The following DENND5B variants were observed in gnomAD, a reference collection of about 807,000 sequenced individuals.
The protein encoded by DENND5B is DENN domain containing 5B.
A neutral mutation model predicts 140.6 loss-of-function variants in DENND5B; 34 were observed. That is an observed-to-expected ratio of 0.24 (90% confidence interval 0.18 to 0.32). DENND5B has a LOEUF of 0.32. Ranked by LOEUF, DENND5B falls within the 10% of genes least tolerant of loss-of-function variation. DENND5B has a pLI of 1.00. For missense variants in DENND5B, 1,142 were observed against 1,560.2 expected (o/e 0.73, Z 4.52); for synonymous variants, 551 against 562.1 (o/e 0.98, Z 0.28).
At chr12:31,554,007 C>T (rs1010048818) in intron 1 of DENND5B, among the ~76,000 whole-genome samples, 1 of 152,174 alleles carries the variant, frequency 6.6e-6, no homozygotes, top group Non-Finnish European at 1.5e-5. Context: ...TGGGTCTTGA[C>T]TCTTTATCCA....
At chr12:31,554,120 T>C (rs1949183123) in intron 1 of DENND5B, among the ~76,000 whole-genome samples, 2 of 152,304 alleles carry the variant, frequency 1.3e-5, no homozygotes, top group Non-Finnish European at 2.9e-5. Context: ...TGTTAGATGG[T>C]TATTTTGCTT....
At chr12:31,492,573 G>A (rs1946573057) in intron 2 of DENND5B, among the ~76,000 whole-genome samples, 1 of 152,122 alleles carries the variant, frequency 6.6e-6, no homozygotes, top group Non-Finnish European at 1.5e-5. Flanking sequence ...ATACCATTCT[G>A]ATTTCTCACA....
intron 1 of DENND5B, among the ~76,000 whole-genome samples, chr12:31,521,577 T>C (rs1238835505): frequency 6.6e-6 from 1 of 152,210 alleles, no homozygotes; most frequent in African/African-American, 2.4e-5. Context: ...GTCTGTCCTA[T>C]ACAAGATGCC....
At chr12:31,551,986 G>C (rs1949080594) in intron 1 of DENND5B, among the ~76,000 whole-genome samples, 1 of 152,096 alleles carries the variant, frequency 6.6e-6, no homozygotes, top group African/African-American at 2.4e-5. Context: ...GGGTTTTCTA[G>C]ATAGACAATC....
intron 1 of DENND5B, among the ~76,000 whole-genome samples, chr12:31,547,614 T>G (rs1449213560): frequency 6.6e-6 from 1 of 152,126 alleles, no homozygotes. Context: ...GTCAGGCTGG[T>G]CTTGAAATTC....
At chr12:31,538,874 A>G (rs1251867891) in intron 1 of DENND5B, among the ~76,000 whole-genome samples, 2 of 152,154 alleles carry the variant, frequency 1.3e-5, no homozygotes, top group Non-Finnish European at 2.9e-5. Context: ...ATCTCAAAAT[A>G]CAAAACAAAA....
chr12:31,497,332 T>C (rs1946798377), intron 1 of DENND5B, among the ~76,000 whole-genome samples: 1 of 152,232 alleles, frequency 6.6e-6, no homozygotes, highest in African/African-American at 2.4e-5. Context: ...TAGGCAAACA[T>C]TTCATCTCTG....
intron 1 of DENND5B, among the ~76,000 whole-genome samples, chr12:31,530,188 C>T (rs145724010): frequency 0.011 from 1,724 of 152,254 alleles, 19 homozygotes; most frequent in East Asian, 0.032. Flanking sequence ...GCCTGGCCAA[C>T]ATGGTGAAAC....
chr12:31,384,445 C>G lies in DENND5B; in HGVS notation c.*3158G>C, dbSNP rs1940760005. 1 of 152,114 alleles carries G rather than the reference C, an allele frequency of 6.6e-6. No homozygotes were observed. Among genetic ancestry groups the G allele is most frequent in the South Asian group, 2.1e-4 (1 of 4,832 alleles). 9.4% of individuals were successfully genotyped at this position (152,114 alleles called of 1,614,324 possible). ...AATATTTAAATTTATTCTTAAAGGCCAAGATTGACTGCCATTGGGAATATT... is the reference window on the plus strand; with the variant it reads ...AATATTTAAATTTATTCTTAAAGGCGAAGATTGACTGCCATTGGGAATATT... On this transcript the variant is annotated 3_prime_UTR_variant, in exon 21 of 21. Transcript: ENST00000389082.
chr12:31,561,159 A>T (rs1044299522), intron 1 of DENND5B, among the ~76,000 whole-genome samples: 18 of 152,184 alleles, frequency 1.2e-4, no homozygotes, highest in African/African-American at 4.3e-4. Context: ...TATACTCAGG[A>T]TCTGTCCGAG....
At chr12:31,390,171 A>C (rs1012287179) in intron 19 of DENND5B, among the ~76,000 whole-genome samples, 1 of 152,212 alleles carries the variant, frequency 6.6e-6, no homozygotes, top group Admixed American at 6.6e-5. Flanking sequence ...TACCAAAAGA[A>C]AGATCACAAA....
At chr12:31,565,410 T>C (rs531041509) in intron 1 of DENND5B, among the ~76,000 whole-genome samples, 2 of 152,310 alleles carry the variant, frequency 1.3e-5, no homozygotes, top group African/African-American at 4.8e-5. Context: ...TACACTCACG[T>C]TGAGTCCTGT....
intron 2 of DENND5B, among the ~76,000 whole-genome samples, chr12:31,480,762 TA>T (rs373226447): frequency 6.6e-6 from 1 of 152,132 alleles, no homozygotes; most frequent in Non-Finnish European, 1.5e-5. Flanking sequence ...CAAAGAATAA[TA>T]AAAACAACAG....
chr12:31,479,189 G>A (rs1945958715), intron 3 of DENND5B, among the ~76,000 whole-genome samples: 2 of 152,156 alleles, frequency 1.3e-5, no homozygotes, highest in South Asian at 4.1e-4. Flanking sequence ...GCTGAGTTTT[G>A]ATGTGAACCT....
intron 3 of DENND5B, among the ~76,000 whole-genome samples, chr12:31,467,164 T>C (rs1013798665): frequency 4.0e-5 from 6 of 151,560 alleles, no homozygotes; most frequent in Non-Finnish European, 8.8e-5. Flanking sequence ...AAAAAACTTT[T>C]AACATAGAAT....
At chr12:31,468,393 T>C (rs1174735039) in intron 3 of DENND5B, among the ~76,000 whole-genome samples, 2 of 151,764 alleles carry the variant, frequency 1.3e-5, no homozygotes, top group Non-Finnish European at 1.5e-5. Flanking sequence ...GAAAGAAAGG[T>C]TTAATAAGCC....
Position 31,439,929 on chromosome 12 carries a change from CAAAAAAAAAA to C in DENND5B, c.2012+2836_2012+2845del, listed in dbSNP as rs67272470. Among the ~76,000 whole-genome samples the C allele has an allele frequency of 1.7e-4, 9 of 52,298 alleles. 1 individual carries two copies. The East Asian group carries it at 3.1e-3, about 18-fold the overall frequency. 34.3% of individuals were successfully genotyped at this position (52,298 alleles called of 152,430 possible). On this transcript the variant is annotated intron_variant, in intron 7 of 20. Coordinates refer to ENST00000389082, the MANE Select transcript of DENND5B (RefSeq NM_144973.4). ...TGGGCAACAGAGGGAGACTCCGTCTCAAAAAAAAAAAAAAAAAAAAAAAAAAAAGGAAACA... is the reference window on the plus strand; with the variant it reads ...TGGGCAACAGAGGGAGACTCCGTCTCAAAAAAAAAAAAAAAAAAGGAAACA...
chr12:31,588,580 TA>T (rs1950484240), intron 1 of DENND5B, among the ~76,000 whole-genome samples: 1 of 152,240 alleles, frequency 6.6e-6, no homozygotes, highest in Non-Finnish European at 1.5e-5. Context: ...GTATTGTAAG[TA>T]ATCTAGAGAT....
At chr12:31,462,194 G>T (rs1465942835) in intron 3 of DENND5B, among the ~76,000 whole-genome samples, 1 of 152,124 alleles carries the variant, frequency 6.6e-6, no homozygotes, top group Admixed American at 6.6e-5. Flanking sequence ...ACATTTTACA[G>T]CCAAGGCCCA....
Sources: allele counts gnomAD v4.1 joint callset (sites outside exome capture counted in the v4.1 genomes callset), GRCh38; gene constraint gnomAD v4.1.1; transcripts MANE v1.5; gene names NCBI Gene and HGNC (gene_info 2026-07-23, HGNC 2026-07-21).